Variants in TMEM156 observed in about 807,000 individuals in gnomAD.
The protein encoded by TMEM156 is transmembrane protein 156.
A neutral mutation model predicts 30.5 loss-of-function variants in TMEM156; 28 were observed. The observed-to-expected ratio is 0.92, with a 90% confidence interval of 0.68 to 1.26. TMEM156 has a LOEUF of 1.26. Ranked by LOEUF, TMEM156 falls within the 50% of genes most tolerant of loss-of-function variation. TMEM156 has a pLI of 0.00. For missense variants in TMEM156, 351 were observed against 340.6 expected (o/e 1.03, Z -0.24); for synonymous variants, 137 against 119.9 (o/e 1.14, Z -0.93).
intron 1 of TMEM156, among the ~76,000 whole-genome samples, chr4:39,014,344 G>T (rs903536960): frequency 6.6e-6 from 1 of 152,174 alleles, no homozygotes; most frequent in Non-Finnish European, 1.5e-5. Flanking sequence ...TGAATGTAAA[G>T]GTTAGGAAGG....
intron 4 of TMEM156, among the ~76,000 whole-genome samples, chr4:38,987,584 C>T (rs1560362669): frequency 6.6e-6 from 1 of 152,208 alleles, no homozygotes; most frequent in Non-Finnish European, 1.5e-5. Flanking sequence ...GCTAACACAG[C>T]CTTGCCTGGT....
Position 38,998,639 on chromosome 4 carries a change from C to G in TMEM156, c.358+1G>C. The G allele has an allele frequency of 6.2e-7, 1 of 1,607,666 alleles. No individual in the cohort carries two copies. The highest frequency in any genetic ancestry group is 8.5e-7 in the Non-Finnish European group (1 of 1,176,426). On this transcript the variant is annotated splice_donor_variant, in intron 2 of 6. Coordinates refer to ENST00000381938, the MANE Select transcript of TMEM156 (RefSeq NM_024943.3). LOFTEE classifies it high-confidence loss of function. Reference sequence around the variant, plus strand: ...TATTCTCACCTTCACTTTGTGTTTACCTTTTGATGTTTGTTCCTGAGAAAT... The same window carrying G: ...TATTCTCACCTTCACTTTGTGTTTAGCTTTTGATGTTTGTTCCTGAGAAAT...
intron 2 of TMEM156, 128 bp downstream of exon 2, chr4:38,998,512 C>G (rs1277370293): frequency 6.9e-6 from 6 of 866,274 alleles, no homozygotes; most frequent in Admixed American, 4.0e-5. Flanking sequence ...CCACTGCACT[C>G]TAGCCTGGGC....
rs1306492052 is a variant in TMEM156, at chr4:38,998,917, G to A, written c.89-8C>T. On this transcript the variant is annotated splice_region_variant and splice_polypyrimidine_tract_variant and intron_variant, in intron 1 of 6. Transcript: ENST00000381938. The stretch of plus-strand genomic sequence containing the variant: ...ATAGCTCCAATGTTCTTTCTGTAAA[G>A]AAAAAAGAAAAACACTTTCTTTACT... The A allele has an allele frequency of 5.0e-6, 8 of 1,585,084 alleles. No individual in the cohort carries two copies. In the Admixed American group the frequency reaches 5.7e-5, roughly 11 times the overall value.
intron 3 of TMEM156, among the ~76,000 whole-genome samples, chr4:38,991,947 G>A (rs1170267592): frequency 6.6e-6 from 1 of 152,028 alleles, no homozygotes; most frequent in African/African-American, 2.4e-5. Flanking sequence ...CTCTTCCATA[G>A]CCCCCACTCA....
intron 3 of TMEM156, among the ~76,000 whole-genome samples, chr4:38,989,955 G>A (rs573589385): frequency 1.4e-4 from 21 of 152,086 alleles, no homozygotes; most frequent in Admixed American, 3.3e-4. Context: ...CACCACGCCC[G>A]GCTAATTTTT....
chr4:39,029,157 T>C (rs76678429), intron 1 of TMEM156, among the ~76,000 whole-genome samples: 11,134 of 152,214 alleles, frequency 0.073, 637 homozygotes, highest in South Asian at 0.25. Flanking sequence ...GTATATTATT[T>C]CTCATTAAGA....
intron 1 of TMEM156, among the ~76,000 whole-genome samples, chr4:39,009,351 A>T (rs2566156): frequency 0.81 from 123,372 of 152,098 alleles, 50,270 homozygotes; most frequent in South Asian, 0.87. Flanking sequence ...CTACTGAAAT[A>T]ATTCCAAAAA....
Position 38,993,857 on chromosome 4 carries a change from C to A in TMEM156, c.500G>T (p.Arg167Ile), listed in dbSNP as rs1396183452. The A allele has an allele frequency of 6.2e-7, 1 of 1,614,106 alleles. No individual in the cohort carries two copies. The highest frequency in any genetic ancestry group is 1.1e-5 in the South Asian group (1 of 91,084). ...TGGCTCATCCTCCATGATTGTTGAT[C>A]TTCCAGTGTGGTTTTTTAGATGACA... is the stretch of plus-strand genomic sequence containing the variant. ...TTCHLKNHTGRSTIMEDEPSK... is the reference protein window; with the variant it reads ...TTCHLKNHTGISTIMEDEPSK... Residue 167 changes from arginine (R) to isoleucine (I), a missense_variant, in exon 3 of 7, where the codon AGA (arginine) becomes ATA (isoleucine). Arg to Ile is a moderately conservative substitution (Grantham distance 97). Coordinates refer to ENST00000381938, the MANE Select transcript of TMEM156 (RefSeq NM_024943.3).
At chr4:38,998,999 T>A in intron 1 of TMEM156, 90 bp from the exon 2 acceptor site, 13 of 1,150,974 alleles carry the variant, frequency 1.1e-5, no homozygotes, top group Non-Finnish European at 1.6e-5. Context: ...CCAGTTTTTC[T>A]TAGGTGGATT....
intron 4 of TMEM156, among the ~76,000 whole-genome samples, chr4:38,987,328 T>C (rs988357816): frequency 6.6e-6 from 1 of 152,232 alleles, no homozygotes; most frequent in Non-Finnish European, 1.5e-5. Context: ...AAAATAAAAA[T>C]AGCATATATC....
rs935537912 is a variant in TMEM156, at chr4:39,022,802, T to C, written c.88+9424A>G. On this transcript the variant is annotated intron_variant, in intron 1 of 6. Coordinates refer to ENST00000381938, the MANE Select transcript of TMEM156 (RefSeq NM_024943.3). Reference sequence around the variant, plus strand: ...ATTTTCCCAAGACCTCATTAACTAGTTGTCAGGGAACTTTGGAAGAAATGT... The same window carrying C: ...ATTTTCCCAAGACCTCATTAACTAGCTGTCAGGGAACTTTGGAAGAAATGT... Among the ~76,000 whole-genome samples, 4 of 152,316 alleles carry C rather than the reference T, an allele frequency of 2.6e-5. No homozygotes were observed. In the East Asian group the frequency reaches 7.7e-4, roughly 29 times the overall value.
intron 1 of TMEM156, among the ~76,000 whole-genome samples, chr4:39,016,229 C>T (rs1046725096): frequency 4.6e-5 from 7 of 151,886 alleles, no homozygotes; most frequent in South Asian, 2.1e-4. Flanking sequence ...AAAAATTAGC[C>T]GGGCATAGTG....
At chr4:38,984,676 T>C (rs375419466) in intron 5 of TMEM156, among the ~76,000 whole-genome samples, 2 of 152,180 alleles carry the variant, frequency 1.3e-5, no homozygotes, top group East Asian at 1.9e-4. Context: ...CAACTCATAA[T>C]AGGGAAGGAA....
intron 1 of TMEM156, 76 bp from the exon 2 acceptor site, chr4:38,998,985 G>A: frequency 7.4e-7 from 1 of 1,345,348 alleles, no homozygotes; most frequent in Non-Finnish European, 1.0e-6. Context: ...TACACAGTAT[G>A]CTCCCAGTTT....
At chr4:39,023,434 A>G (rs929274438) in intron 1 of TMEM156, among the ~76,000 whole-genome samples, 9 of 152,212 alleles carry the variant, frequency 5.9e-5, no homozygotes, top group Admixed American at 3.3e-4. Flanking sequence ...AAATAACCCA[A>G]TAGATAAAGG....
chr4:38,982,899 A>G lies in TMEM156; in HGVS notation c.823+3437T>C, dbSNP rs62294515. ...GATGTCGATATTTATTTGGCAGTCC[A>G]GCATGTGGACATGTCAGGGGTGATG... On this transcript the variant is annotated intron_variant, in intron 5 of 6. Transcript: ENST00000381938. Among the ~76,000 whole-genome samples, 319 of 152,338 alleles carry G rather than the reference A, an allele frequency of 2.1e-3. 2 individuals carry two copies. The highest frequency in any genetic ancestry group is 5.9e-3 in the African/African-American group (245 of 41,588).
chr4:39,020,947 T>A lies in TMEM156; in HGVS notation c.88+11279A>T, dbSNP rs116968715. On this transcript the variant is annotated intron_variant, in intron 1 of 6. Coordinates refer to ENST00000381938, the MANE Select transcript of TMEM156 (RefSeq NM_024943.3). ...ATACAAGGGTTCCCTTTTCTCCACA[T>A]CTTCACCAGCACTTGCTATATTTTG... Among the ~76,000 whole-genome samples the A allele has an allele frequency of 2.4e-4, 37 of 152,338 alleles. 1 individual carries two copies. In the East Asian group the frequency reaches 5.0e-3, roughly 21 times the overall value.
At chr4:38,978,268 A>T (rs962895764) in intron 5 of TMEM156, among the ~76,000 whole-genome samples, 1 of 105,752 alleles carries the variant, frequency 9.5e-6, no homozygotes, top group Non-Finnish European at 1.9e-5. Context: ...AGTAACTTTT[A>T]AAAAAATACC....
Sources: allele counts gnomAD v4.1 joint callset (sites outside exome capture counted in the v4.1 genomes callset), GRCh38; gene constraint gnomAD v4.1.1; transcripts MANE v1.5; gene names NCBI Gene and HGNC (gene_info 2026-07-23, HGNC 2026-07-21).